Variants in CDH8 observed in about 807,000 individuals in gnomAD.
CDH8 encodes cadherin-8.
Under a neutral mutation model 68.1 loss-of-function variants are expected in CDH8, and 17 were observed. That is an observed-to-expected ratio of 0.25 (90% CI 0.17 to 0.37). CDH8 has a LOEUF of 0.37. Ranked by LOEUF, CDH8 falls within the 10% of genes least tolerant of loss-of-function variation. The probability of loss-of-function intolerance (pLI) is 1.00; values close to 1 mark genes in which losing one functional copy is unlikely to be tolerated. For missense variants in CDH8, 763 were observed against 999.3 expected (o/e 0.76, Z 3.19); for synonymous variants, 372 against 365.1 (o/e 1.02, Z -0.21).
At chr16:61,732,701 C>T (rs944796400) in intron 8 of CDH8, among the ~76,000 whole-genome samples, 11 of 151,670 alleles carry the variant, frequency 7.3e-5, no homozygotes, top group South Asian at 2.1e-4. Flanking sequence ...GAAAGGAAAA[C>T]GGTAAAGGTA....
chr16:61,699,313 T>G (rs567722451), intron 10 of CDH8, among the ~76,000 whole-genome samples: 1 of 152,172 alleles, frequency 6.6e-6, no homozygotes, highest in Admixed American at 6.5e-5. Flanking sequence ...CCACCATGCG[T>G]TGGATTTTAA....
intron 7 of CDH8, among the ~76,000 whole-genome samples, chr16:61,809,064 T>G (rs1199792468): frequency 6.6e-6 from 1 of 152,024 alleles, no homozygotes; most frequent in African/African-American, 2.4e-5. Flanking sequence ...CCCATGCCTG[T>G]AATCCCAGTT....
In CDH8 at chr16:62,031,042, C is replaced by G. The variant is rs1005196654; in HGVS notation, c.-200+5038G>C. 2.6e-5 allele frequency among the ~76,000 whole-genome samples: 4 copies of G among 152,090 alleles called. No homozygotes were observed. The South Asian group carries it at 8.3e-4, about 32-fold the overall frequency. On this transcript the variant is annotated intron_variant, in intron 1 of 11. Coordinates refer to ENST00000577390, the MANE Select transcript of CDH8 (RefSeq NM_001796.5). Reference sequence around the variant, plus strand: ...TCCTTAATTATTTTTTATACATTCTCAACAATGTACAGACATTGAGTCACC... The same window carrying G: ...TCCTTAATTATTTTTTATACATTCTGAACAATGTACAGACATTGAGTCACC...
At chr16:62,002,647 C>G (rs890847972) in intron 2 of CDH8, among the ~76,000 whole-genome samples, 1 of 152,144 alleles carries the variant, frequency 6.6e-6, no homozygotes, top group South Asian at 2.1e-4. Flanking sequence ...TAGAAATAAA[C>G]TTCTTTTTGT....
chr16:61,683,124 T>C (rs1397215940), intron 10 of CDH8, among the ~76,000 whole-genome samples: 1 of 152,028 alleles, frequency 6.6e-6, no homozygotes, highest in East Asian at 1.9e-4. Context: ...ATTTTCAATA[T>C]TTTTCACAGT....
chr16:61,739,714 C>G (rs1411320597), intron 8 of CDH8, among the ~76,000 whole-genome samples: 1 of 142,042 alleles, frequency 7.0e-6, no homozygotes, highest in Non-Finnish European at 1.5e-5. Flanking sequence ...GGCAACAGAG[C>G]GAGACTCTGC....
chr16:61,875,665 C>T (rs898560070), intron 3 of CDH8, among the ~76,000 whole-genome samples: 6 of 152,110 alleles, frequency 3.9e-5, no homozygotes, highest in Non-Finnish European at 8.8e-5. Context: ...TTTTCCTCTC[C>T]TATATATGCT....
At chr16:61,878,011 C>A (rs2143100961) in intron 3 of CDH8, among the ~76,000 whole-genome samples, 1 of 152,256 alleles carries the variant, frequency 6.6e-6, no homozygotes, top group East Asian at 1.9e-4. Flanking sequence ...AAATACCATA[C>A]CAAAGATGTA....
At chr16:61,670,344 C>T (rs1285547314) in intron 10 of CDH8, among the ~76,000 whole-genome samples, 3 of 151,978 alleles carry the variant, frequency 2.0e-5, no homozygotes, top group Admixed American at 6.6e-5. Flanking sequence ...TATAATGGTG[C>T]TGTATTTATT....
chr16:61,757,600 G>C (rs1321163671), intron 8 of CDH8, among the ~76,000 whole-genome samples: 1 of 152,096 alleles, frequency 6.6e-6, no homozygotes, highest in Non-Finnish European at 1.5e-5. Context: ...GAACGAAGTG[G>C]CACTGTGCTA....
chr16:61,799,151 T>C (rs1395958676), intron 7 of CDH8, among the ~76,000 whole-genome samples: 1 of 152,170 alleles, frequency 6.6e-6, no homozygotes, highest in Non-Finnish European at 1.5e-5. Flanking sequence ...GACCCAGCAA[T>C]GCCAGGGGCA....
chr16:61,657,244 C>G (rs1296751275), intron 10 of CDH8, among the ~76,000 whole-genome samples: 2 of 151,924 alleles, frequency 1.3e-5, no homozygotes, highest in African/African-American at 4.8e-5. Context: ...TTTTGGAAAA[C>G]TACTGTACCA....
intron 2 of CDH8, among the ~76,000 whole-genome samples, chr16:61,982,293 C>T (rs1241976120): frequency 1.3e-5 from 2 of 152,048 alleles, no homozygotes; most frequent in Non-Finnish European, 2.9e-5. Flanking sequence ...GATCTCGGCT[C>T]AATGCAAGCT....
At chr16:61,663,906 A>C in intron 10 of CDH8, among the ~76,000 whole-genome samples, 1 of 151,972 alleles carries the variant, frequency 6.6e-6, no homozygotes, top group Non-Finnish European at 1.5e-5. Context: ...GGAGGGAAAC[A>C]AGGAAGAGAG....
intron 8 of CDH8, among the ~76,000 whole-genome samples, chr16:61,780,565 C>T (rs575572422): frequency 2.0e-5 from 3 of 152,192 alleles, no homozygotes; most frequent in African/African-American, 7.2e-5. Flanking sequence ...AAATTGTTCT[C>T]CCTGGAATGA....
intron 1 of CDH8, among the ~76,000 whole-genome samples, chr16:62,028,875 C>T (rs1902259266): frequency 6.6e-6 from 1 of 152,164 alleles, no homozygotes. Context: ...CTTTAGATCA[C>T]ATGTTCAGAA....
chr16:61,793,736 C>T (rs1020684374), intron 7 of CDH8, among the ~76,000 whole-genome samples: 6 of 151,892 alleles, frequency 4.0e-5, no homozygotes, highest in East Asian at 3.9e-4. Flanking sequence ...GTCTTTATAA[C>T]GGAATGATTT....
rs138123289 is a variant in CDH8 at position 61,760,283 on chromosome 16, TTTTATTTATTTATTTA to T, written c.1414+29047_1414+29062del. The stretch of plus-strand genomic sequence containing the variant: ...GAGATAAAATATATTTGGAAGAAAA[TTTTATTTATTTATTTA>T]TTTATTTATTTATTTATTTATTTAT... On this transcript the variant is annotated intron_variant, in intron 8 of 11. Coordinates refer to ENST00000577390, the MANE Select transcript of CDH8 (RefSeq NM_001796.5). 1.0e-4 allele frequency among the ~76,000 whole-genome samples: 15 copies of T among 146,320 alleles called. No individual in the cohort carries two copies. The East Asian group carries it at 2.0e-3, about 20-fold the overall frequency.
At chr16:61,839,142 T>A (rs370314458) in intron 4 of CDH8, among the ~76,000 whole-genome samples, 140 of 152,252 alleles carry the variant, frequency 9.2e-4, no homozygotes, top group African/African-American at 3.2e-3. Context: ...TGAGATCCCA[T>A]AAAACACATC....
Sources: gnomAD v4.1 joint callset for allele counts (sites outside exome capture counted in the v4.1 genomes callset) on GRCh38, gnomAD v4.1.1 for gene constraint, MANE v1.5 for transcripts, NCBI Gene and HGNC (gene_info 2026-07-23, HGNC 2026-07-21) for gene names.